Variants in SULF2 observed in about 807,000 individuals in gnomAD.
The protein encoded by SULF2 is extracellular sulfatase Sulf-2.
A neutral mutation model predicts 107.7 loss-of-function variants in SULF2; 52 were observed. The observed-to-expected ratio is 0.48, with a 90% CI of 0.39 to 0.61. The LOEUF (loss-of-function observed/expected upper bound fraction) is 0.61. SULF2 is among the 20% of genes least tolerant of loss of function. SULF2 has a pLI of 0.00. For synonymous variants in SULF2, 460 were observed against 464.3 expected (o/e 0.99, Z 0.12); for missense variants, 993 against 1,177.3 (o/e 0.84, Z 2.29).
chr20:47,724,012 T>C (rs1332376439), intron 3 of SULF2, among the ~76,000 whole-genome samples: 2 of 152,104 alleles, frequency 1.3e-5, no homozygotes, highest in East Asian at 3.9e-4. Context: ...GGGGCAGGAA[T>C]GGACCTTGGA....
In SULF2 at chr20:47,702,686, G is replaced by T; in HGVS notation, c.416-16C>A. 1.2e-6 allele frequency: 2 copies of T among 1,612,654 alleles called. No homozygotes were observed. Among genetic ancestry groups the T allele is most frequent in the Non-Finnish European group, 1.7e-6 (2 of 1,179,588 alleles). ...CCGAAGAAAGCTGCGGAGGGAGATGGATCAGGAGGCCACGTGAGAAAGTGC... is the reference window on the plus strand; with the variant it reads ...CCGAAGAAAGCTGCGGAGGGAGATGTATCAGGAGGCCACGTGAGAAAGTGC... On this transcript the variant is annotated splice_polypyrimidine_tract_variant and intron_variant, in intron 3 of 20. Transcript: ENST00000688720.
intron 11 of SULF2, 103 bp downstream of exon 11, chr20:47,672,095 T>C (rs2087493667): frequency 9.3e-6 from 12 of 1,291,714 alleles, no homozygotes; most frequent in African/African-American, 1.5e-5. Context: ...GATCACCACC[T>C]GGCAAAGTGA....
chr20:47,712,887 T>C (rs2088979117), intron 3 of SULF2, among the ~76,000 whole-genome samples: 1 of 151,830 alleles, frequency 6.6e-6, no homozygotes, highest in East Asian at 1.9e-4. Context: ...ACCAAAAAAT[T>C]AGCCAGGTGT....
chr20:47,755,151 T>C (rs2090252105), intron 2 of SULF2, among the ~76,000 whole-genome samples: 1 of 152,226 alleles, frequency 6.6e-6, no homozygotes, highest in East Asian at 1.9e-4. Flanking sequence ...TTAATCACAT[T>C]CTAGCTGTGC....
intron 4 of SULF2, among the ~76,000 whole-genome samples, chr20:47,692,360 T>C (rs973453714): frequency 6.6e-6 from 1 of 152,188 alleles, no homozygotes; most frequent in Non-Finnish European, 1.5e-5. Context: ...AACAAAAACA[T>C]TGCAGTGACC....
intron 3 of SULF2, among the ~76,000 whole-genome samples, chr20:47,710,049 C>T (rs1375532923): frequency 2.6e-5 from 4 of 151,916 alleles, no homozygotes; most frequent in African/African-American, 7.3e-5. Context: ...CTACAGGTGT[C>T]CAACACCACG....
intron 2 of SULF2, among the ~76,000 whole-genome samples, chr20:47,751,401 T>C (rs926730770): frequency 1.3e-5 from 2 of 152,256 alleles, no homozygotes; most frequent in South Asian, 4.1e-4. Flanking sequence ...AACCACTGTG[T>C]TCCATTCCCC....
intron 3 of SULF2, among the ~76,000 whole-genome samples, chr20:47,721,370 A>AT (rs5841706): frequency 4.9e-4 from 72 of 148,040 alleles, no homozygotes; most frequent in Admixed American, 6.1e-4. Flanking sequence ...AGAAGAAGCT[A>AT]TTTTTTTTTT....
chr20:47,722,586 C>T (rs1408260794), intron 3 of SULF2, among the ~76,000 whole-genome samples: 1 of 152,124 alleles, frequency 6.6e-6, no homozygotes, highest in Admixed American at 6.5e-5. Context: ...ACTGAGTACC[C>T]AATACCTGCC....
rs1315655327 is a variant in SULF2, at chr20:47,757,266, C to T, written c.98G>A (p.Gly33Asp). Reference sequence around the variant, plus strand: ...GTTCCTGCGGTCCCTCTGAAACCTGCCTTTCAGGCGGTGGTGCGACAGGAA... The same window carrying T: ...GTTCCTGCGGTCCCTCTGAAACCTGTCTTTCAGGCGGTGGTGCGACAGGAA... ...SAFLSHHRLK[G>D]RFQRDRRNIR... The change falls in exon 2 of 21, where the codon GGC becomes GAC. Residue 33 changes from glycine (G) to aspartate (D), a missense_variant. Physicochemically the swap from Gly to Asp is moderately conservative, Grantham distance 94 (BLOSUM62 -1). Around this residue, in one of 3 missense-constraint regions of SULF2, gnomAD observed 388 missense variants for 449.2 expected, o/e 0.86. Coordinates refer to ENST00000688720, the MANE Select transcript of SULF2 (RefSeq NM_001387048.1). 8 of 1,580,166 alleles carry T rather than the reference C, an allele frequency of 5.1e-6. No homozygotes were observed. The highest frequency in any genetic ancestry group is 3.4e-6 in the Non-Finnish European group (4 of 1,161,868).
Position 47,698,285 on chromosome 20 carries a change from GCTC to G in SULF2, c.567+4231_567+4233del, listed in dbSNP as rs1374865237. On this transcript the variant is annotated intron_variant, in intron 4 of 20. Transcript: ENST00000688720. ...TTCCCAGCCAACGTTCCAGCGTAGAGCTCCTGCTACCCCCATGTCTGGCTCAGG... is the reference window on the plus strand; with the variant it reads ...TTCCCAGCCAACGTTCCAGCGTAGAGCTGCTACCCCCATGTCTGGCTCAGG... Among the ~76,000 whole-genome samples the G allele has an allele frequency of 2.0e-5, 3 of 152,196 alleles. No homozygotes were observed. The South Asian group carries it at 6.2e-4, about 31-fold the overall frequency.
intron 5 of SULF2, among the ~76,000 whole-genome samples, chr20:47,687,317 T>C (rs1172603479): frequency 6.6e-6 from 1 of 152,178 alleles, no homozygotes; most frequent in East Asian, 1.9e-4. Context: ...CCAGGGAGGA[T>C]GTCGGCATCT....
rs61429442 is a variant in SULF2 at position 47,732,233 on chromosome 20, G to A, written c.415+4470C>T. On this transcript the variant is annotated intron_variant, in intron 3 of 20. Coordinates refer to ENST00000688720, the MANE Select transcript of SULF2 (RefSeq NM_001387048.1). ...TTTCCCAAGTGCCTACCACGACCAT[G>A]TACCAGACACTGTTCTAATGTATTT... 6.1e-3 allele frequency among the ~76,000 whole-genome samples: 926 copies of A among 152,250 alleles called. 9 individuals are homozygous for A. The highest frequency in any genetic ancestry group is 0.021 in the African/African-American group (862 of 41,538).
At chr20:47,690,366 G>A (rs1006655107) in intron 4 of SULF2, 71 bp from the exon 5 acceptor site, 1 of 1,249,522 alleles carries the variant, frequency 8.0e-7, no homozygotes, top group Non-Finnish European at 1.0e-6. Context: ...CTACGTGCCA[G>A]GCACCCTGCT....
intron 3 of SULF2, among the ~76,000 whole-genome samples, chr20:47,709,392 C>T (rs1483772457): frequency 6.6e-6 from 1 of 152,218 alleles, no homozygotes; most frequent in Non-Finnish European, 1.5e-5. Context: ...TGCTGAAAGG[C>T]CAGAGCACTT....
At chr20:47,748,969 T>G (rs1057341827) in intron 2 of SULF2, among the ~76,000 whole-genome samples, 8 of 152,158 alleles carry the variant, frequency 5.3e-5, no homozygotes, top group African/African-American at 1.7e-4. Context: ...TGTGGCTAAG[T>G]AAATAAGATC....
chr20:47,782,152 C>T (rs2090844491), intron 1 of SULF2, among the ~76,000 whole-genome samples: 1 of 152,206 alleles, frequency 6.6e-6, no homozygotes, highest in African/African-American at 2.4e-5. Flanking sequence ...AACTTGCACA[C>T]AGCAGCTGCT....
At chr20:47,723,297 C>T (rs568233251) in intron 3 of SULF2, among the ~76,000 whole-genome samples, 4 of 151,248 alleles carry the variant, frequency 2.6e-5, no homozygotes, top group South Asian at 4.2e-4. Flanking sequence ...TTCAAGGGGG[C>T]GAGAAGTCCT....
rs367843249 is a variant in SULF2 at position 47,676,521 on chromosome 20, G to C, written c.1353C>G (p.Tyr451Ter). ...RVKDLCQRAEYQTACEQLGQK... is the reference protein window; with the variant it reads ...RVKDLCQRAE ...GTCCCAGCTGCTCACACGCCGTCTGGTACTCAGCACGCTGACACAGGTCCT... is the reference window on the plus strand; with the variant it reads ...GTCCCAGCTGCTCACACGCCGTCTGCTACTCAGCACGCTGACACAGGTCCT... The change falls in exon 10 of 21, where the codon TAC becomes TAG. Residue 451 changes from tyrosine (Y) to a stop codon, truncating the protein, a stop_gained. Transcript: ENST00000688720. LOFTEE classifies it high-confidence loss of function. 1.2e-6 allele frequency: 2 copies of C among 1,605,040 alleles called. No homozygotes were observed. The highest frequency in any genetic ancestry group is 2.7e-5 in the African/African-American group (2 of 74,790).
Sources: gnomAD v4.1 joint callset for allele counts (sites outside exome capture counted in the v4.1 genomes callset) on GRCh38, gnomAD v4.1.1 for gene constraint, gnomAD v4.1.1 regional missense constraint, MANE v1.5 for transcripts, NCBI Gene and HGNC (gene_info 2026-07-23, HGNC 2026-07-21) for gene names.